The following CDKAL1 variants were observed in gnomAD, a reference collection of about 807,000 sequenced individuals.
CDKAL1 encodes CDKAL1 threonylcarbamoyladenosine tRNA methylthiotransferase, also known as threonylcarbamoyladenosine tRNA methylthiotransferase.
CDKAL1 carries 32 observed loss-of-function variants against 68.2 expected under a neutral mutation model. That is an observed-to-expected ratio of 0.47 (90% CI 0.35 to 0.63). The LOEUF (loss-of-function observed/expected upper bound fraction) is 0.63. CDKAL1 is among the 30% of genes least tolerant of loss of function. The pLI is 0.00. For synonymous variants in CDKAL1, 234 were observed against 244.3 expected (o/e 0.96, Z 0.39); for missense variants, 606 against 696.7 (o/e 0.87, Z 1.47).
chr6:20,669,798 C>T (rs747951124), intron 5 of CDKAL1, among the ~76,000 whole-genome samples: 1 of 152,050 alleles, frequency 6.6e-6, no homozygotes, highest in African/African-American at 2.4e-5. Flanking sequence ...GCCCTGGTTC[C>T]TTTCACTGGT....
chr6:20,897,452 G>T (rs1245920128), intron 9 of CDKAL1, among the ~76,000 whole-genome samples: 2 of 151,952 alleles, frequency 1.3e-5, no homozygotes, highest in South Asian at 2.1e-4. Context: ...TGAGAATGAG[G>T]CCACATGTCC....
intron 9 of CDKAL1, among the ~76,000 whole-genome samples, chr6:20,944,426 C>A (rs970242859): frequency 1.3e-5 from 2 of 152,252 alleles, no homozygotes; most frequent in Non-Finnish European, 2.9e-5. Flanking sequence ...CAGCTCACTG[C>A]AACCTCCACC....
At chr6:21,178,116 A>G (rs1040975627) in intron 13 of CDKAL1, among the ~76,000 whole-genome samples, 2 of 152,088 alleles carry the variant, frequency 1.3e-5, no homozygotes, top group Non-Finnish European at 2.9e-5. Context: ...ATTCCAGCCA[A>G]TGTTGCAAGC....
At chr6:21,208,545 C>T (rs1368287827) in intron 15 of CDKAL1, among the ~76,000 whole-genome samples, 3 of 152,090 alleles carry the variant, frequency 2.0e-5, no homozygotes, top group East Asian at 3.9e-4. Context: ...CAAATGAGGG[C>T]GTGTTTCTTC....
At chr6:21,133,785 T>C (rs9465970) in intron 13 of CDKAL1, among the ~76,000 whole-genome samples, 38,915 of 152,124 alleles carry the variant, frequency 0.26, 5,087 homozygotes, top group South Asian at 0.37. Flanking sequence ...TGTTTTTACT[T>C]GTACTAACCT....
intron 12 of CDKAL1, among the ~76,000 whole-genome samples, chr6:21,102,231 T>C (rs1773612534): frequency 6.6e-6 from 1 of 152,176 alleles, no homozygotes; most frequent in African/African-American, 2.4e-5. Context: ...TCTTTTACCG[T>C]GCTTTTATCA....
intron 13 of CDKAL1, among the ~76,000 whole-genome samples, chr6:21,192,909 G>A (rs1778317226): frequency 6.7e-6 from 1 of 150,350 alleles, no homozygotes; most frequent in Admixed American, 6.6e-5. Flanking sequence ...TGAACTCTTG[G>A]ACTCTCAAGC....
rs71540608 is a variant in CDKAL1 at position 21,003,343 on chromosome 6, A to AATATATATATATATATATATAT, written c.1055+2979_1055+3000dup. On this transcript the variant is annotated intron_variant, in intron 11 of 15. Transcript: ENST00000274695. The stretch of plus-strand genomic sequence containing the variant: ...CAACATGGTGAAACCATCTCTACTA[A>AATATATATATATATATATATAT]ATATATATATATATATATATATATA... Among the ~76,000 whole-genome samples, 210 of 40,328 alleles carry AATATATATATATATATATATAT rather than the reference A, an allele frequency of 5.2e-3. 7 individuals are homozygous for AATATATATATATATATATATAT. Among genetic ancestry groups the AATATATATATATATATATATAT allele is most frequent in the Non-Finnish European group, 7.6e-3 (157 of 20,780 alleles). The allele number at this position is 40,328 out of a possible 152,430, so 26.5% of individuals were successfully genotyped here.
At chr6:21,183,830 G>GC (rs1777897528) in intron 13 of CDKAL1, among the ~76,000 whole-genome samples, 1 of 152,130 alleles carries the variant, frequency 6.6e-6, no homozygotes, top group South Asian at 2.1e-4. Context: ...CAAGACCCAA[G>GC]CCACATCATT....
chr6:20,901,704 G>GAA, intron 9 of CDKAL1, among the ~76,000 whole-genome samples: 1 of 112,794 alleles, frequency 8.9e-6, no homozygotes, highest in South Asian at 2.9e-4. Context: ...AAAAAAAAAA[G>GAA]AAAAGAAACA....
intron 13 of CDKAL1, among the ~76,000 whole-genome samples, chr6:21,190,922 G>A (rs1470353931): frequency 2.0e-5 from 3 of 152,080 alleles, no homozygotes; most frequent in Admixed American, 1.3e-4. Flanking sequence ...CCAAAGCCAC[G>A]TCAGGCTTTC....
chr6:20,961,090 A>G (rs1280059748), intron 10 of CDKAL1, among the ~76,000 whole-genome samples: 1 of 152,188 alleles, frequency 6.6e-6, no homozygotes, highest in Admixed American at 6.5e-5. Flanking sequence ...CTTGGGCAGT[A>G]AGGAAAAGAG....
chr6:20,656,874 G>T (rs1008482236), intron 5 of CDKAL1, among the ~76,000 whole-genome samples: 3 of 151,984 alleles, frequency 2.0e-5, no homozygotes, highest in Admixed American at 1.3e-4. Context: ...AATTTAAAAA[G>T]ATATTATATA....
chr6:21,192,463 A>T (rs1306876253), intron 13 of CDKAL1, among the ~76,000 whole-genome samples: 1 of 152,216 alleles, frequency 6.6e-6, no homozygotes, highest in African/African-American at 2.4e-5. Context: ...AGCAGGTGCC[A>T]GAACCAACAG....
intron 11 of CDKAL1, among the ~76,000 whole-genome samples, chr6:21,043,188 CA>C (rs1770029335): frequency 6.6e-6 from 1 of 152,264 alleles, no homozygotes; most frequent in East Asian, 1.9e-4. Context: ...TAGCACATAG[CA>C]CAGTTATAGA....
intron 5 of CDKAL1, among the ~76,000 whole-genome samples, chr6:20,720,000 TGAA>T (rs1394270954): frequency 1.3e-5 from 2 of 152,236 alleles, no homozygotes; most frequent in African/African-American, 4.8e-5. Context: ...GTTTACCTGT[TGAA>T]GAACCTGGGC....
In CDKAL1 at chr6:21,009,047, C is replaced by G. The variant is rs145005034; in HGVS notation, c.1055+8675C>G. Among the ~76,000 whole-genome samples, 416 of 152,274 alleles carry G rather than the reference C, an allele frequency of 2.7e-3. 3 individuals carry two copies. Among genetic ancestry groups the G allele is most frequent in the Non-Finnish European group, 3.0e-3 (205 of 68,010 alleles). ...AATATGTTGAAATCAGTGTAGTTTA[C>G]ATGGTACTAAGTGGTTTACATGAAT... On this transcript the variant is annotated intron_variant, in intron 11 of 15. Coordinates refer to ENST00000274695, the MANE Select transcript of CDKAL1 (RefSeq NM_017774.3).
chr6:20,758,839 T>A (rs1774345693), intron 7 of CDKAL1, among the ~76,000 whole-genome samples, 196 bp downstream of exon 7: 1 of 152,216 alleles, frequency 6.6e-6, no homozygotes, highest in Admixed American at 6.5e-5. Flanking sequence ...TTTGTTTGGC[T>A]TATAAATGAA....
chr6:21,026,831 A>G (rs922143883), intron 11 of CDKAL1, among the ~76,000 whole-genome samples: 1 of 152,174 alleles, frequency 6.6e-6, no homozygotes, highest in Non-Finnish European at 1.5e-5. Flanking sequence ...GTTATTGGAC[A>G]TGACTTTATG....
Sources: allele counts gnomAD v4.1 joint callset (sites outside exome capture counted in the v4.1 genomes callset), GRCh38; gene constraint gnomAD v4.1.1; transcripts MANE v1.5; gene names NCBI Gene and HGNC (gene_info 2026-07-23, HGNC 2026-07-21).